Variants in RSRC1 observed in about 807,000 individuals in gnomAD.
The protein encoded by RSRC1 is arginine and serine rich coiled-coil 1.
Under a neutral mutation model 49.1 loss-of-function variants are expected in RSRC1, and 39 were observed. The observed-to-expected ratio is 0.79, with a 90% CI of 0.61 to 1.04. RSRC1 has a LOEUF of 1.04. Ranked by LOEUF, RSRC1 falls within the 50% of genes least tolerant of loss-of-function variation. The pLI is 0.00. For missense variants in RSRC1, 388 were observed against 402.4 expected, an observed-to-expected ratio of 0.96 and a Z score of 0.31; for synonymous variants, 143 against 130.8, an observed-to-expected ratio of 1.09 and a Z score of -0.63.
chr3:158,329,923 C>G (rs937068001), intron 5 of RSRC1, among the ~76,000 whole-genome samples: 1 of 152,208 alleles, frequency 6.6e-6, no homozygotes, highest in African/African-American at 2.4e-5. Context: ...CTACTCAAGC[C>G]TCAGCAGCGG....
chr3:158,516,990 A>G (rs1033280169), intron 7 of RSRC1, among the ~76,000 whole-genome samples: 3 of 152,088 alleles, frequency 2.0e-5, no homozygotes, highest in Non-Finnish European at 2.9e-5. Context: ...ACCTATGCCC[A>G]CTGTCTGGCA....
At chr3:158,154,976 A>C (rs1379786746) in intron 3 of RSRC1, among the ~76,000 whole-genome samples, 1 of 152,204 alleles carries the variant, frequency 6.6e-6, no homozygotes, top group South Asian at 2.1e-4. Context: ...GAATCCATTC[A>C]GTCACATCTT....
intron 3 of RSRC1, among the ~76,000 whole-genome samples, chr3:158,154,508 A>T (rs564293538): frequency 4.7e-5 from 7 of 149,766 alleles, no homozygotes; most frequent in Non-Finnish European, 1.0e-4. Context: ...TCTGTCACCT[A>T]GTCTGGAGTG....
At chr3:158,374,501 C>T (rs887477924) in intron 6 of RSRC1, among the ~76,000 whole-genome samples, 28 of 152,156 alleles carry the variant, frequency 1.8e-4, no homozygotes, top group Admixed American at 1.2e-3. Context: ...AAGTAAAATA[C>T]GCTTATTTTT....
intron 4 of RSRC1, among the ~76,000 whole-genome samples, chr3:158,259,128 T>G (rs1000068814): frequency 2.0e-5 from 3 of 152,154 alleles, no homozygotes; most frequent in African/African-American, 7.2e-5. Flanking sequence ...TTCATCGGTG[T>G]CTGGGCATTG....
chr3:158,450,188 G>A (rs1736945831), intron 6 of RSRC1, among the ~76,000 whole-genome samples: 1 of 151,942 alleles, frequency 6.6e-6, no homozygotes, highest in Admixed American at 6.6e-5. Flanking sequence ...GAATTTTCTA[G>A]GTTATCTGTT....
chr3:158,434,003 T>C (rs1176824430), intron 6 of RSRC1, among the ~76,000 whole-genome samples: 1 of 151,996 alleles, frequency 6.6e-6, no homozygotes, highest in Non-Finnish European at 1.5e-5. Context: ...CTAGAATGAT[T>C]TTTTGAAACT....
At chr3:158,120,687 TTA>T (rs1006994389) in intron 1 of RSRC1, among the ~76,000 whole-genome samples, 8 of 147,102 alleles carry the variant, frequency 5.4e-5, no homozygotes, top group African/African-American at 1.7e-4. Context: ...AATATATATT[TTA>T]TATATATATA....
intron 4 of RSRC1, among the ~76,000 whole-genome samples, chr3:158,249,925 A>G (rs1379858679): frequency 6.6e-6 from 1 of 152,002 alleles, no homozygotes; most frequent in African/African-American, 2.4e-5. Context: ...TTCTATCTAT[A>G]TTTCTGTACC....
rs531697985 is a variant in RSRC1, at chr3:158,444,567, C to T, written c.584-16368C>T. ...AACCATAAAAACCCTAGAAGAAAACCTAGGCAATACCATTCAGGACGTAGG... is the reference window on the plus strand; with the variant it reads ...AACCATAAAAACCCTAGAAGAAAACTTAGGCAATACCATTCAGGACGTAGG... On this transcript the variant is annotated intron_variant, in intron 6 of 9. Coordinates refer to ENST00000611884, the MANE Select transcript of RSRC1 (RefSeq NM_001271838.2). Among the ~76,000 whole-genome samples the T allele has an allele frequency of 1.3e-5, 2 of 152,144 alleles. 1 individual carries two copies. Among genetic ancestry groups the T allele is most frequent in the South Asian group, 4.2e-4 (2 of 4,808 alleles).
intron 6 of RSRC1, among the ~76,000 whole-genome samples, chr3:158,388,351 T>A (rs1265825938): frequency 6.6e-6 from 1 of 152,074 alleles, no homozygotes; most frequent in Non-Finnish European, 1.5e-5. Context: ...AATATTACTT[T>A]ATGTTGTGTG....
chr3:158,363,617 A>G (rs1731603976), intron 6 of RSRC1, among the ~76,000 whole-genome samples: 1 of 152,220 alleles, frequency 6.6e-6, no homozygotes, highest in African/African-American at 2.4e-5. Context: ...TTAGGCAGAA[A>G]GGCAATAGAT....
intron 7 of RSRC1, among the ~76,000 whole-genome samples, chr3:158,525,684 A>G (rs1183730240): frequency 1.3e-5 from 2 of 152,052 alleles, no homozygotes; most frequent in African/African-American, 4.8e-5. Context: ...AATAGATTTT[A>G]AAAATTGCAG....
chr3:158,150,569 A>C (rs1052774537), intron 3 of RSRC1, among the ~76,000 whole-genome samples: 1 of 152,154 alleles, frequency 6.6e-6, no homozygotes, highest in Admixed American at 6.6e-5. Context: ...TATTGAGCTT[A>C]TATTAATATT....
chr3:158,469,361 T>C (rs914834859), intron 7 of RSRC1: 2 of 450,026 alleles, frequency 4.4e-6, no homozygotes, highest in African/African-American at 4.0e-5. Context: ...ACTAAAAGAG[T>C]GCCTTTAAAG....
chr3:158,164,597 TA>T (rs1718430877), intron 3 of RSRC1, among the ~76,000 whole-genome samples: 2 of 152,132 alleles, frequency 1.3e-5, no homozygotes, highest in African/African-American at 4.8e-5. Flanking sequence ...TTTCTGTTTT[TA>T]AAAAGCATGT....
chr3:158,432,441 ATC>A (rs1443718036), intron 6 of RSRC1, among the ~76,000 whole-genome samples: 2 of 152,052 alleles, frequency 1.3e-5, no homozygotes, highest in Non-Finnish European at 2.9e-5. Flanking sequence ...ACTGAATTTT[ATC>A]TGTCGATTTT....
At chr3:158,207,037 A>G (rs939699455) in intron 4 of RSRC1, among the ~76,000 whole-genome samples, 2 of 152,196 alleles carry the variant, frequency 1.3e-5, no homozygotes, top group African/African-American at 4.8e-5. Flanking sequence ...TTATTATCCT[A>G]TTAATATAGA....
intron 7 of RSRC1, among the ~76,000 whole-genome samples, chr3:158,523,491 A>AGAG (rs1711824000): frequency 6.6e-6 from 1 of 152,092 alleles, no homozygotes; most frequent in South Asian, 2.1e-4. Context: ...GATAAAAAAT[A>AGAG]TAAACCTTAT....
Sources: allele counts gnomAD v4.1 joint callset (sites outside exome capture counted in the v4.1 genomes callset), GRCh38; gene constraint gnomAD v4.1.1; transcripts MANE v1.5; gene names NCBI Gene and HGNC (gene_info 2026-07-23, HGNC 2026-07-21).